The following DMRT1 variants were observed in gnomAD, a reference collection of about 807,000 sequenced individuals.
DMRT1 encodes the protein doublesex and mab-3 related transcription factor 1.
Under a neutral mutation model 32.3 loss-of-function variants are expected in DMRT1, and 7 were observed. The observed-to-expected ratio is 0.22, with a 90% CI of 0.12 to 0.41. DMRT1 has a LOEUF of 0.41. Ranked by LOEUF, DMRT1 falls within the 10% of genes least tolerant of loss-of-function variation. The pLI is 1.00. For synonymous variants in DMRT1, 278 were observed against 206.1 expected (o/e 1.35, Z -2.99); for missense variants, 625 against 500.5 (o/e 1.25, Z -2.37).
At chr9:932,449 T>C (rs1021074474) in intron 4 of DMRT1, among the ~76,000 whole-genome samples, 5 of 152,236 alleles carry the variant, frequency 3.3e-5, no homozygotes, top group African/African-American at 1.2e-4. Context: ...ATCTAATGTC[T>C]ATATAGACCA....
chr9:867,193 G>GA (rs909692639), intron 2 of DMRT1, among the ~76,000 whole-genome samples: 4 of 151,538 alleles, frequency 2.6e-5, no homozygotes, highest in African/African-American at 4.9e-5. Context: ...GGGTAGGACT[G>GA]AAAAAAAACA....
At chr9:936,562 G>T (rs1818892076) in intron 4 of DMRT1, among the ~76,000 whole-genome samples, 1 of 152,056 alleles carries the variant, frequency 6.6e-6, no homozygotes, top group South Asian at 2.1e-4. Flanking sequence ...GACCAGCCTG[G>T]CCAACATGGC....
intron 3 of DMRT1, among the ~76,000 whole-genome samples, chr9:902,000 C>G (rs934843166): frequency 6.6e-6 from 1 of 150,590 alleles, no homozygotes; most frequent in East Asian, 2.0e-4. Flanking sequence ...GCAACCTCCT[C>G]CCTAGTTCAA....
At chr9:964,661 G>GC (rs1047743450) in intron 4 of DMRT1, among the ~76,000 whole-genome samples, 1 of 152,012 alleles carries the variant, frequency 6.6e-6, no homozygotes. Context: ...AGTGCAGCTG[G>GC]CCCCAACTCC....
chr9:916,819 C>T lies in DMRT1; in HGVS notation c.879C>T (p.Tyr293=), dbSNP rs140311439. The part of the protein sequence containing the change: ...AMSSQYRMHS[Y]YPPPSYLGQS... ...GCTCCCAGTACAGGATGCATTCTTACTACCCGCCTCCCTCTTACCTGGGCC... is the reference window on the plus strand; with the variant it reads ...GCTCCCAGTACAGGATGCATTCTTATTACCCGCCTCCCTCTTACCTGGGCC... Residue 293 remains tyrosine, a synonymous_variant, in exon 4 of 5, where the codon TAC becomes TAT. Transcript: ENST00000382276. The T allele has an allele frequency of 1.5e-4, 249 of 1,614,214 alleles. 1 individual carries two copies. In the African/African-American group the frequency reaches 2.8e-3, roughly 18 times the overall value.
rs1820022011 is a variant in DMRT1 at position 968,898 on chromosome 9, G to A, written c.*759G>A. On this transcript the variant is annotated 3_prime_UTR_variant, in exon 5 of 5. Transcript: ENST00000382276. ...GCAGTCTGGACTGTTGTAACCTTAG[G>A]TTGTAATCTGATTTGGAAATAAGTA... The A allele has an allele frequency of 6.6e-6, 1 of 152,556 alleles. No individual in the cohort carries two copies. Among genetic ancestry groups the A allele is most frequent in the African/African-American group, 2.4e-5 (1 of 41,412 alleles). The allele number at this position is 152,556 out of a possible 1,614,324, so 9.5% of individuals were successfully genotyped here.
At chr9:937,480 A>C (rs373439330) in intron 4 of DMRT1, among the ~76,000 whole-genome samples, 73 of 152,308 alleles carry the variant, frequency 4.8e-4, no homozygotes, top group African/African-American at 1.8e-3. Context: ...ATGATGGTTC[A>C]ACTTTTTCCA....
chr9:931,293 C>T (rs1264663634), intron 4 of DMRT1, among the ~76,000 whole-genome samples: 1 of 152,136 alleles, frequency 6.6e-6, no homozygotes, highest in African/African-American at 2.4e-5. Flanking sequence ...ACTATTAAAC[C>T]ACAAGATTAC....
At chr9:940,497 T>TAAA (rs138206653) in intron 4 of DMRT1, among the ~76,000 whole-genome samples, 6 of 148,902 alleles carry the variant, frequency 4.0e-5, no homozygotes, top group African/African-American at 1.2e-4. Context: ...GCTATCCACA[T>TAAA]AAAAAAAAAA....
chr9:950,139 A>G (rs1156582919), intron 4 of DMRT1, among the ~76,000 whole-genome samples: 3 of 151,998 alleles, frequency 2.0e-5, no homozygotes, highest in African/African-American at 7.3e-5. Context: ...GAAAGTGGAA[A>G]GATGTGGGAA....
Position 968,372 on chromosome 9 carries a change from T to G in DMRT1, c.*233T>G. ...ACTCACGGAGTTTAAATAATAGTGT[T>G]CATTTTTTTAATGACACTGGTTTCA... is the stretch of plus-strand genomic sequence containing the variant. On this transcript the variant is annotated 3_prime_UTR_variant, in exon 5 of 5. Transcript: ENST00000382276. The G allele has an allele frequency of 2.0e-6, 1 of 512,700 alleles. No homozygotes were observed. The highest frequency in any genetic ancestry group is 3.5e-5 in the East Asian group (1 of 28,226). The allele number at this position is 512,700 out of a possible 1,614,324, so 31.8% of individuals were successfully genotyped here.
At chr9:862,468 C>T (rs1815759620) in intron 2 of DMRT1, among the ~76,000 whole-genome samples, 1 of 133,128 alleles carries the variant, frequency 7.5e-6, no homozygotes, top group Non-Finnish European at 1.5e-5. Context: ...CCAGCCTCGG[C>T]ATCAGAGGGA....
intron 3 of DMRT1, among the ~76,000 whole-genome samples, chr9:907,343 T>G (rs1410303931): frequency 6.6e-6 from 1 of 152,168 alleles, no homozygotes; most frequent in African/African-American, 2.4e-5. Context: ...CGGGTCTGTA[T>G]TTTAGATTTG....
At chr9:896,016 G>T (rs1035340644) in intron 3 of DMRT1, among the ~76,000 whole-genome samples, 2 of 151,610 alleles carry the variant, frequency 1.3e-5, no homozygotes, top group African/African-American at 4.8e-5. Flanking sequence ...TGGTGGCCAC[G>T]ATGGTCTGTA....
intron 2 of DMRT1, among the ~76,000 whole-genome samples, chr9:873,648 C>T (rs994626231): frequency 2.6e-5 from 4 of 152,052 alleles, no homozygotes; most frequent in South Asian, 4.1e-4. Flanking sequence ...CTTAGGTTAT[C>T]GCTAGGTCTT....
chr9:864,206 T>G (rs1260643491), intron 2 of DMRT1, among the ~76,000 whole-genome samples: 3 of 41,372 alleles, frequency 7.3e-5, no homozygotes, highest in African/African-American at 4.0e-4. Context: ...TCTTCTTCTT[T>G]TTTTTCTTTT....
chr9:951,903 T>C (rs1819438704), intron 4 of DMRT1, among the ~76,000 whole-genome samples: 1 of 152,226 alleles, frequency 6.6e-6, no homozygotes, highest in South Asian at 2.1e-4. Context: ...TTACTGATTA[T>C]CTGCTCTCTT....
chr9:937,773 AT>A (rs945441109), intron 4 of DMRT1, among the ~76,000 whole-genome samples: 4 of 149,822 alleles, frequency 2.7e-5, no homozygotes, highest in South Asian at 2.1e-4. Flanking sequence ...ATTTCCAAGT[AT>A]TTTTTTTCCC....
chr9:874,401 C>T (rs1816405894), intron 2 of DMRT1, among the ~76,000 whole-genome samples: 1 of 152,098 alleles, frequency 6.6e-6, no homozygotes, highest in African/African-American at 2.4e-5. Context: ...CTTTGTTTCC[C>T]CTTCATTGTC....
Sources: gnomAD v4.1 joint callset for allele counts (sites outside exome capture counted in the v4.1 genomes callset) on GRCh38, gnomAD v4.1.1 for gene constraint, MANE v1.5 for transcripts, NCBI Gene and HGNC (gene_info 2026-07-23, HGNC 2026-07-21) for gene names.